The following UNC13C variants were observed in gnomAD, a reference collection of about 807,000 sequenced individuals.
UNC13C encodes protein unc-13 homolog C.
UNC13C carries 174 observed loss-of-function variants against 245.4 expected under a neutral mutation model. The ratio of observed to expected loss-of-function variants is 0.71; its 90% CI spans 0.63 to 0.80. The LOEUF is 0.80. Ranked by LOEUF, UNC13C falls within the 30% of genes least tolerant of loss-of-function variation. The pLI, the probability that UNC13C is intolerant of heterozygous loss-of-function variation, is 0.00. For missense variants in UNC13C, 2,829 were observed against 2,602.9 expected, an observed-to-expected ratio of 1.09 and a Z score of -1.89; for synonymous variants, 992 against 895.1, an observed-to-expected ratio of 1.11 and a Z score of -1.93.
chr15:54,252,421 C>A (rs11071064), intron 8 of UNC13C, among the ~76,000 whole-genome samples: 43,304 of 151,924 alleles, frequency 0.29, 6,261 homozygotes, highest in South Asian at 0.36. Flanking sequence ...TTGGAAGAAT[C>A]AAAAATAGTG....
At chr15:54,048,703 C>T in intron 2 of UNC13C, 1 of 295,672 alleles carries the variant, frequency 3.4e-6, no homozygotes, top group Non-Finnish European at 6.9e-6. Flanking sequence ...AGTCTTACAT[C>T]ATCTTCCCAT....
At chr15:54,581,430 C>T (rs971618062) in intron 30 of UNC13C, among the ~76,000 whole-genome samples, 2 of 152,196 alleles carry the variant, frequency 1.3e-5, no homozygotes, top group Non-Finnish European at 2.9e-5. Flanking sequence ...GCTGGGAAGT[C>T]CAAGATCAAT....
Position 54,059,284 on chromosome 15 carries a change from G to A in UNC13C, c.2983+43398G>A, listed in dbSNP as rs546558500. On this transcript the variant is annotated intron_variant, in intron 2 of 32. Transcript: ENST00000260323. ...AGCAAAGCCTCAGGATACAAAATCA[G>A]TGTGCAAAAATCACAAGCATTTTTA... 7.7e-4 allele frequency among the ~76,000 whole-genome samples: 117 copies of A among 152,158 alleles called. 4 individuals are homozygous for A. In the South Asian group the frequency reaches 0.011, roughly 15 times the overall value.
the UNC13C span, among the ~76,000 whole-genome samples, chr15:53,850,429 T>A: frequency 0.024 from 3,724 of 152,170 alleles, 141 homozygotes; most frequent in African/African-American, 0.086. Flanking sequence ...ACTATTTTTT[T>A]AATTAAATTT....
chr15:54,065,469 C>G (rs1015275956), intron 2 of UNC13C, among the ~76,000 whole-genome samples: 1 of 152,186 alleles, frequency 6.6e-6, no homozygotes, highest in African/African-American at 2.4e-5. Context: ...GGCCTGAGCC[C>G]TTTCTTTGAT....
downstream of UNC13C, chr15:54,629,860 C>T (rs1337545647): frequency 1.3e-5 from 2 of 152,072 alleles, no homozygotes; most frequent in African/African-American, 4.8e-5. Flanking sequence ...TATATCAAAG[C>T]CTAATAGTGG....
intron 19 of UNC13C, among the ~76,000 whole-genome samples, chr15:54,436,881 C>A (rs1243688302): frequency 6.6e-6 from 1 of 151,772 alleles, no homozygotes; most frequent in Non-Finnish European, 1.5e-5. Flanking sequence ...AGAAAAAATG[C>A]ATTTTTGCTA....
At chr15:54,407,317 CA>C (rs2040314767) in intron 18 of UNC13C, among the ~76,000 whole-genome samples, 1 of 151,922 alleles carries the variant, frequency 6.6e-6, no homozygotes, top group African/African-American at 2.4e-5. Context: ...ATAGGTAGAC[CA>C]AAGAAAAAAT....
chr15:54,447,280 A>T (rs1890869547), intron 19 of UNC13C, among the ~76,000 whole-genome samples: 1 of 152,034 alleles, frequency 6.6e-6, no homozygotes, highest in Admixed American at 6.6e-5. Flanking sequence ...TCAGGATGAT[A>T]CCTCATAAAA....
chr15:54,296,042 G>A (rs1213373981), intron 11 of UNC13C, among the ~76,000 whole-genome samples: 1 of 152,108 alleles, frequency 6.6e-6, no homozygotes, highest in Non-Finnish European at 1.5e-5. Flanking sequence ...AGCCTTTGGT[G>A]TCCAAGCAGA....
chr15:54,201,567 A>G (rs758891999), intron 4 of UNC13C, among the ~76,000 whole-genome samples: 2 of 152,068 alleles, frequency 1.3e-5, no homozygotes, highest in Admixed American at 6.6e-5. Context: ...CAAAAGTCAC[A>G]TGATTATCTC....
chr15:54,206,569 C>A (rs989040689), intron 4 of UNC13C, among the ~76,000 whole-genome samples: 1 of 152,122 alleles, frequency 6.6e-6, no homozygotes, highest in East Asian at 1.9e-4. Context: ...CACCTTGCTT[C>A]TGCTTCCTTA....
intron 1 of UNC13C, among the ~76,000 whole-genome samples, chr15:54,002,215 G>C (rs1894925639): frequency 6.6e-6 from 1 of 152,170 alleles, no homozygotes; most frequent in South Asian, 2.1e-4. Flanking sequence ...GAACCTGGGA[G>C]GCGGAGCTTG....
intron 4 of UNC13C, among the ~76,000 whole-genome samples, chr15:54,227,646 A>G (rs1177984371): frequency 1.3e-5 from 2 of 152,194 alleles, no homozygotes; most frequent in Non-Finnish European, 2.9e-5. Context: ...TTGTTCCAAA[A>G]GTGGCCCCAG....
intron 19 of UNC13C, among the ~76,000 whole-genome samples, chr15:54,459,308 T>A (rs181199341): frequency 2.8e-4 from 43 of 152,308 alleles, no homozygotes; most frequent in Admixed American, 7.8e-4. Flanking sequence ...CTGATGCTTT[T>A]GTCTTATAGC....
the UNC13C span, among the ~76,000 whole-genome samples, chr15:53,901,479 G>A: frequency 6.6e-6 from 1 of 151,928 alleles, no homozygotes; most frequent in Non-Finnish European, 1.5e-5. Flanking sequence ...GCCTGCCTCG[G>A]CCTCCCAAAG....
At chr15:54,376,217 T>C (rs1434553622) in intron 17 of UNC13C, among the ~76,000 whole-genome samples, 2 of 152,176 alleles carry the variant, frequency 1.3e-5, no homozygotes, top group Non-Finnish European at 1.5e-5. Flanking sequence ...ATAGAAGTTA[T>C]TTATGTTTAT....
At position 54,253,735 on chromosome 15, in the gene UNC13C, C is replaced by A. The variant is rs1325092876; in HGVS notation, c.3448+3291C>A. 3.3e-5 allele frequency among the ~76,000 whole-genome samples: 5 copies of A among 152,126 alleles called. No individual in the cohort carries two copies. In the South Asian group the frequency reaches 1.0e-3, roughly 32 times the overall value. On this transcript the variant is annotated intron_variant, in intron 8 of 32. Coordinates refer to ENST00000260323, the MANE Select transcript of UNC13C (RefSeq NM_001080534.3). ...GTGGTGGTTTTAAACTAGAAAAAGG[C>A]CGTGTTGGCTGGGATGAGGGTTGTG...
intron 19 of UNC13C, among the ~76,000 whole-genome samples, chr15:54,451,335 G>A (rs1052530702): frequency 6.6e-6 from 1 of 151,980 alleles, no homozygotes; most frequent in African/African-American, 2.4e-5. Context: ...CTATGTAAGG[G>A]ATGTAAGCTT....
Sources: allele counts gnomAD v4.1 joint callset (sites outside exome capture counted in the v4.1 genomes callset), GRCh38; gene constraint gnomAD v4.1.1; transcripts MANE v1.5; gene names NCBI Gene and HGNC (gene_info 2026-07-23, HGNC 2026-07-21).